Variants in TTC27 observed in about 807,000 individuals in gnomAD.
TTC27 encodes tetratricopeptide repeat domain 27, also known as tetratricopeptide repeat protein 27.
TTC27 carries 79 observed loss-of-function variants against 115.9 expected under a neutral mutation model. The observed-to-expected ratio is 0.68, with a 90% CI of 0.57 to 0.82. TTC27 has a LOEUF of 0.82. Among genes scored for constraint, TTC27 ranks in the 40% least tolerant of loss-of-function variants. The pLI is 0.00. For synonymous variants in TTC27, 401 were observed against 356.0 expected, an observed-to-expected ratio of 1.13 and a Z score of -1.42; for missense variants, 1,054 against 993.1, an observed-to-expected ratio of 1.06 and a Z score of -0.82.
At chr2:32,665,146 C>T (rs1050896842) in intron 6 of TTC27, among the ~76,000 whole-genome samples, 3 of 152,034 alleles carry the variant, frequency 2.0e-5, no homozygotes, top group Admixed American at 1.3e-4. Flanking sequence ...CACGCCCAGC[C>T]CACATTCTGT....
intron 3 of TTC27, among the ~76,000 whole-genome samples, chr2:32,635,828 C>G (rs957053139): frequency 6.6e-6 from 1 of 152,114 alleles, no homozygotes; most frequent in Non-Finnish European, 1.5e-5. Context: ...ATAATTAACT[C>G]TTTGCATATC....
At chr2:32,801,770 C>T (rs1670948559) in intron 16 of TTC27, among the ~76,000 whole-genome samples, 1 of 152,144 alleles carries the variant, frequency 6.6e-6, no homozygotes, top group Non-Finnish European at 1.5e-5. Flanking sequence ...ACCAGAAAGA[C>T]CTCAACCACT....
At chr2:32,682,835 A>ATTTTTTTTTTTTT (rs1666479740) in intron 9 of TTC27, among the ~76,000 whole-genome samples, 1 of 54,590 alleles carries the variant, frequency 1.8e-5, no homozygotes, top group African/African-American at 6.9e-5. Context: ...CACCCGGATA[A>ATTTTTTTTTTTTT]TTTTTATTGT....
At chr2:32,682,841 A>ATTT (rs1559204114) in intron 9 of TTC27, among the ~76,000 whole-genome samples, 9 of 77,500 alleles carry the variant, frequency 1.2e-4, no homozygotes, top group African/African-American at 3.9e-4. Flanking sequence ...GATAATTTTT[A>ATTT]TTGTTGTTTT....
intron 11 of TTC27, among the ~76,000 whole-genome samples, 171 bp from the exon 12 acceptor site, chr2:32,736,523 T>C (rs1668456933): frequency 6.6e-6 from 1 of 152,214 alleles, no homozygotes; most frequent in African/African-American, 2.4e-5. Flanking sequence ...TTTTCTAAAG[T>C]AAAGGTATGT....
At chr2:32,793,843 C>T (rs1000181021) in intron 16 of TTC27, among the ~76,000 whole-genome samples, 3 of 151,956 alleles carry the variant, frequency 2.0e-5, no homozygotes, top group Non-Finnish European at 4.4e-5. Flanking sequence ...TTTTTTTTAA[C>T]TGTACTCTTT....
At chr2:32,780,110 G>T (rs1200295889) in intron 14 of TTC27, 9 of 466,418 alleles carry the variant, frequency 1.9e-5, no homozygotes, top group Admixed American at 1.9e-4. Context: ...TTTTGAAAAT[G>T]CTGTGAGTAC....
intron 13 of TTC27, among the ~76,000 whole-genome samples, chr2:32,777,441 T>G (rs1240289102): frequency 6.6e-6 from 1 of 152,252 alleles, no homozygotes; most frequent in African/African-American, 2.4e-5. Context: ...ATCTCTTGAT[T>G]ACTTGTGGTA....
In TTC27 at chr2:32,628,320, A is replaced by T. The variant is rs2063525890; in HGVS notation, c.28A>T (p.Arg10Trp). The change falls in exon 1 of 20, where the codon AGG becomes TGG. Residue 10 changes from arginine (R) to tryptophan (W), a missense_variant. Coordinates refer to ENST00000317907, the MANE Select transcript of TTC27 (RefSeq NM_017735.5). MWTPELAIL[R>W]GFPTEAERQQ... ...GTGGACCCCGGAGCTGGCAATTCTG[A>T]GGGGATTCCCCACTGAGGCTGAGCG... 1.2e-6 allele frequency: 2 copies of T among 1,607,578 alleles called. No individual in the cohort carries two copies. Among genetic ancestry groups the T allele is most frequent in the Non-Finnish European group, 8.5e-7 (1 of 1,178,098 alleles).
chr2:32,672,450 T>G, intron 8 of TTC27, 66 bp downstream of exon 8: 1 of 1,258,312 alleles, frequency 7.9e-7, no homozygotes, highest in Admixed American at 1.8e-5. Context: ...GTGTGGAGAA[T>G]CTTTATTCAA....
chr2:32,641,999 G>A (rs561384380), intron 4 of TTC27, among the ~76,000 whole-genome samples: 16 of 152,266 alleles, frequency 1.1e-4, no homozygotes, highest in Admixed American at 5.2e-4. Flanking sequence ...GGGACTACAG[G>A]CGGCTGCCAC....
chr2:32,712,571 T>G (rs1016776012), intron 10 of TTC27, among the ~76,000 whole-genome samples: 13 of 152,130 alleles, frequency 8.5e-5, no homozygotes, highest in Non-Finnish European at 1.9e-4. Flanking sequence ...TTTTTCTTTT[T>G]TTAAATGAGG....
chr2:32,693,082 C>G (rs2151895969), intron 9 of TTC27, among the ~76,000 whole-genome samples: 1 of 152,236 alleles, frequency 6.6e-6, no homozygotes, highest in Admixed American at 6.5e-5. Flanking sequence ...AATTTCAAGT[C>G]TTTCCAAATT....
intron 7 of TTC27, among the ~76,000 whole-genome samples, chr2:32,669,322 T>A (rs1665919553): frequency 6.6e-6 from 1 of 152,174 alleles, no homozygotes; most frequent in Non-Finnish European, 1.5e-5. Context: ...TGAAATAAAA[T>A]ACATTCAGAT....
At chr2:32,763,672 A>G (rs896064517) in intron 13 of TTC27, among the ~76,000 whole-genome samples, 3 of 152,262 alleles carry the variant, frequency 2.0e-5, no homozygotes, top group African/African-American at 7.2e-5. Flanking sequence ...GTTTGGTCTA[A>G]TAACAGGGAT....
intron 8 of TTC27, among the ~76,000 whole-genome samples, chr2:32,673,219 T>C (rs2151884765): frequency 8.4e-6 from 1 of 119,000 alleles, no homozygotes; most frequent in South Asian, 3.1e-4. Flanking sequence ...TGGATTCACC[T>C]TATGCATTTT....
At position 32,755,158 on chromosome 2, in the gene TTC27, G is replaced by A. The variant is rs191844973; in HGVS notation, c.1453-3134G>A. ...CCAGACTGGGCAGCCAGGCAGAGAC[G>A]CTCCTCACTTCCCAGACGGGGTGGC... On this transcript the variant is annotated intron_variant, in intron 12 of 19. Transcript: ENST00000317907. Among the ~76,000 whole-genome samples, 1,388 of 152,076 alleles carry A rather than the reference G, an allele frequency of 9.1e-3. 12 individuals carry two copies. The highest frequency in any genetic ancestry group is 0.024 in the Middle Eastern group (7 of 294).
At chr2:32,667,414 C>CTTTTT (rs58456949) in intron 7 of TTC27, among the ~76,000 whole-genome samples, 1 of 127,042 alleles carries the variant, frequency 7.9e-6, no homozygotes, top group Non-Finnish European at 1.7e-5. Flanking sequence ...CCCCCAACTA[C>CTTTTT]TTTTTTTTTT....
intron 8 of TTC27, among the ~76,000 whole-genome samples, chr2:32,678,455 T>C (rs896096931): frequency 6.6e-5 from 10 of 152,080 alleles, no homozygotes; most frequent in African/African-American, 2.4e-4. Context: ...TGAAACAGAG[T>C]CTCGCTCTGT....
Sources: gnomAD v4.1 joint callset for allele counts (sites outside exome capture counted in the v4.1 genomes callset) on GRCh38, gnomAD v4.1.1 for gene constraint, MANE v1.5 for transcripts, NCBI Gene and HGNC (gene_info 2026-07-23, HGNC 2026-07-21) for gene names.